Variants in TMEM243 observed in about 807,000 individuals in gnomAD.
TMEM243 encodes MDR1 and mitochondrial taxol resistance associated.
Under a neutral mutation model 15.0 loss-of-function variants are expected in TMEM243, and 20 were observed. The ratio of observed to expected loss-of-function variants is 1.33; its 90% confidence interval spans 0.94 to 1.93. The LOEUF (loss-of-function observed/expected upper bound fraction) is 1.93. TMEM243 is among the 30% of genes most tolerant of loss of function. The pLI, the probability that TMEM243 is intolerant of heterozygous loss-of-function variation, is 0.00. For synonymous variants in TMEM243, 72 were observed against 52.7 expected, an observed-to-expected ratio of 1.37 and a Z score of -1.59; for missense variants, 156 against 142.1, an observed-to-expected ratio of 1.10 and a Z score of -0.50.
intron 3 of TMEM243, chr7:87,197,595 G>A (rs974536360): frequency 1.1e-5 from 6 of 549,764 alleles, no homozygotes; most frequent in African/African-American, 2.0e-5. Context: ...AGCAGTAACT[G>A]GCATTTCCCA....
chr7:87,219,838 C>T (rs1803384198), upstream of TMEM243: 1 of 351,768 alleles, frequency 2.8e-6, no homozygotes, highest in Non-Finnish European at 5.2e-6. Flanking sequence ...CTCTCCGCCC[C>T]TCTGGGCCGC....
At chr7:87,218,180 C>T (rs544818176) in intron 1 of TMEM243, among the ~76,000 whole-genome samples, 1 of 152,174 alleles carries the variant, frequency 6.6e-6, no homozygotes, top group Non-Finnish European at 1.5e-5. Context: ...TTCCTTGGCT[C>T]CCCAGGGCCA....
In TMEM243 at chr7:87,196,754, T is replaced by G. The variant is rs994415618; in HGVS notation, c.239A>C (p.Tyr80Ser). The change falls in exon 4 of 4, where the codon TAC (tyrosine) becomes TCC (serine). Residue 80 changes from tyrosine (Y) to serine (S), a missense_variant. Transcript: ENST00000257637. ...TTCTAAGTCTCCTTGTCGATACCAG[T>G]AGATCTAAAAGAAGAATTAAAGTTT... Reference protein sequence around the residue: ...LSSITACILIYWYRQGDLEPK... With the variant: ...LSSITACILISWYRQGDLEPK... The G allele has an allele frequency of 6.5e-6, 10 of 1,546,202 alleles. No homozygotes were observed. The highest frequency in any genetic ancestry group is 4.0e-5 in the Admixed American group (2 of 50,402).
intron 1 of TMEM243, among the ~76,000 whole-genome samples, chr7:87,207,032 G>A (rs1802274322): frequency 6.6e-6 from 1 of 152,258 alleles, no homozygotes; most frequent in Non-Finnish European, 1.5e-5. Flanking sequence ...ACAGGTCACG[G>A]TCTGCCAGCC....
intron 2 of TMEM243, chr7:87,198,501 G>A (rs543362726): frequency 4.3e-4 from 72 of 167,378 alleles, no homozygotes; most frequent in African/African-American, 1.6e-3. Context: ...TCATTAAGAA[G>A]CCATGGAAAA....
intron 1 of TMEM243, among the ~76,000 whole-genome samples, chr7:87,202,745 T>C (rs1163721534): frequency 6.6e-6 from 1 of 152,236 alleles, no homozygotes; most frequent in Non-Finnish European, 1.5e-5. Context: ...TAACACGGTC[T>C]AGAAACCAAG....
Position 87,208,041 on chromosome 7 carries a change from T to A in TMEM243, c.79-8984A>T, listed in dbSNP as rs145526116. Among the ~76,000 whole-genome samples the A allele has an allele frequency of 2.0e-3, 306 of 152,242 alleles. 2 individuals are homozygous for A. The highest frequency in any genetic ancestry group is 7.1e-3 in the African/African-American group (297 of 41,544). On this transcript the variant is annotated intron_variant, in intron 1 of 3. Transcript: ENST00000257637. Reference sequence around the variant, plus strand: ...GGGTCCCTCCCACAACACATGGGAATTATGGGAGCTACAATTCAGGAGGAG... The same window carrying A: ...GGGTCCCTCCCACAACACATGGGAAATATGGGAGCTACAATTCAGGAGGAG...
chr7:87,207,874 C>T (rs539860801), intron 1 of TMEM243, among the ~76,000 whole-genome samples: 1 of 152,276 alleles, frequency 6.6e-6, no homozygotes, highest in South Asian at 2.1e-4. Flanking sequence ...ACATCCTACC[C>T]CTGGGAAGCT....
intron 1 of TMEM243, among the ~76,000 whole-genome samples, chr7:87,215,958 G>A (rs1803082945): frequency 6.6e-6 from 1 of 152,088 alleles, no homozygotes; most frequent in South Asian, 2.1e-4. Flanking sequence ...GAGCAATACA[G>A]GAAGCCCCAT....
chr7:87,198,932 G>T (rs1001502889), intron 2 of TMEM243, 75 bp downstream of exon 2: 1 of 1,330,514 alleles, frequency 7.5e-7, no homozygotes, highest in Non-Finnish European at 1.0e-6. Context: ...GCTTTTTTTG[G>T]AAAGTTAACC....
intron 1 of TMEM243, among the ~76,000 whole-genome samples, chr7:87,207,018 A>G (rs1256337224): frequency 6.6e-6 from 1 of 152,234 alleles, no homozygotes; most frequent in East Asian, 1.9e-4. Flanking sequence ...GATCCTGCAG[A>G]CCAACAGGTC....
intron 1 of TMEM243, among the ~76,000 whole-genome samples, chr7:87,205,517 A>T (rs1168662479): frequency 6.6e-6 from 1 of 152,100 alleles, no homozygotes; most frequent in Non-Finnish European, 1.5e-5. Context: ...GCTGCTTAGA[A>T]ATTTCTTCTG....
At chr7:87,210,091 G>A (rs918903936) in intron 1 of TMEM243, among the ~76,000 whole-genome samples, 3 of 151,076 alleles carry the variant, frequency 2.0e-5, no homozygotes, top group Admixed American at 6.6e-5. Flanking sequence ...GCGGGGAAGC[G>A]TGTGGGAGCG....
At chr7:87,200,235 G>A (rs569899624) in intron 1 of TMEM243, among the ~76,000 whole-genome samples, 1 of 152,224 alleles carries the variant, frequency 6.6e-6, no homozygotes, top group Admixed American at 6.5e-5. Flanking sequence ...AAAGGTTACA[G>A]AACAAAAGAT....
Position 87,219,576 on chromosome 7 carries a change from G to A in TMEM243, c.-73C>T, listed in dbSNP as rs1803354743. The A allele has an allele frequency of 7.3e-7, 1 of 1,367,214 alleles. No homozygotes were observed. Among genetic ancestry groups the A allele is most frequent in the Non-Finnish European group, 1.0e-6 (1 of 964,074 alleles). The allele number at this position is 1,367,214 out of a possible 1,614,324, so 84.7% of individuals were successfully genotyped here. A position where few individuals can be genotyped will look rare whatever the true frequency, so the allele number is the denominator to read the frequency against. ...TGACCTCCCGAGGTCTCAGGTCCAC[G>A]ACTGCAAGCCTCCTCCTCACGGCTC... is the stretch of plus-strand genomic sequence containing the variant. On this transcript the variant is annotated 5_prime_UTR_variant, in exon 1 of 4. Coordinates refer to ENST00000257637, the MANE Select transcript of TMEM243 (RefSeq NM_024315.4).
Position 87,196,663 on chromosome 7 carries a change from G to A in TMEM243, c.330C>T (p.Asn110=). The A allele has an allele frequency of 6.2e-7, 1 of 1,609,966 alleles. No homozygotes were observed. Among genetic ancestry groups the A allele is most frequent in the East Asian group, 2.2e-5 (1 of 44,702 alleles). ...ACCTTCCCACATCATGGAAGTACAGGTTTGCACATATACACAACATGATGA... is the reference window on the plus strand; with the variant it reads ...ACCTTCCCACATCATGGAAGTACAGATTTGCACATATACACAACATGATGA... The part of the protein sequence containing the change: ...FSIIMLCICA[N]LYFHDVGR The change falls in exon 4 of 4, where the codon AAC becomes AAT. Residue 110 remains asparagine, a synonymous_variant. Transcript: ENST00000257637.
intron 1 of TMEM243, among the ~76,000 whole-genome samples, chr7:87,205,650 A>C (rs1250478056): frequency 6.6e-6 from 1 of 152,156 alleles, no homozygotes; most frequent in Non-Finnish European, 1.5e-5. Flanking sequence ...GTTCCCAACA[A>C]GTTCTTCATC....
At chr7:87,209,577 T>A (rs1203907258) in intron 1 of TMEM243, among the ~76,000 whole-genome samples, 69 of 115,216 alleles carry the variant, frequency 6.0e-4, no homozygotes, top group Admixed American at 2.5e-3. Context: ...AGAGAGACAG[T>A]GAGAGAGACA....
In TMEM243 at chr7:87,199,067, A is replaced by G. The variant is rs779543042; in HGVS notation, c.79-10T>C. 1.3e-5 allele frequency: 21 copies of G among 1,603,780 alleles called. No homozygotes were observed. The highest frequency in any genetic ancestry group is 4.5e-5 in the East Asian group (2 of 44,568). On this transcript the variant is annotated splice_polypyrimidine_tract_variant and intron_variant, in intron 1 of 3. Transcript: ENST00000257637. ...AATTGATGATTCGATCCTGAAAGAG[A>G]AAAGAATTTTTAAGCCATATGACTT... is the stretch of plus-strand genomic sequence containing the variant.
Sources: gnomAD v4.1 joint callset for allele counts (sites outside exome capture counted in the v4.1 genomes callset) on GRCh38, gnomAD v4.1.1 for gene constraint, MANE v1.5 for transcripts, NCBI Gene and HGNC (gene_info 2026-07-23, HGNC 2026-07-21) for gene names.